The following DPP6 variants were observed in gnomAD, a reference collection of about 807,000 sequenced individuals.
The protein encoded by DPP6 is A-type potassium channel modulatory protein DPP6.
A neutral mutation model predicts 122.6 loss-of-function variants in DPP6; 69 were observed. The ratio of observed to expected loss-of-function variants is 0.56; its 90% CI spans 0.46 to 0.69. The LOEUF (loss-of-function observed/expected upper bound fraction) is 0.69, where lower values mean the gene tolerates loss of function less well. Ranked by LOEUF, DPP6 falls within the 30% of genes least tolerant of loss-of-function variation. The pLI is 0.00. For synonymous variants in DPP6, 418 were observed against 433.1 expected, an observed-to-expected ratio of 0.97 and a Z score of 0.43; for missense variants, 928 against 1,116.9, an observed-to-expected ratio of 0.83 and a Z score of 2.41.
At chr7:153,879,706 A>G in the DPP6 span, among the ~76,000 whole-genome samples, 2 of 152,164 alleles carry the variant, frequency 1.3e-5, no homozygotes, top group Non-Finnish European at 2.9e-5. Flanking sequence ...TCTCTTAAAA[A>G]GTCATTTAAC....
chr7:154,179,572 C>G (rs1453077967), intron 1 of DPP6, among the ~76,000 whole-genome samples: 1 of 152,194 alleles, frequency 6.6e-6, no homozygotes, highest in Admixed American at 6.5e-5. Context: ...CTCCCCATGT[C>G]TGGACCACCA....
At position 154,519,328 on chromosome 7, in the gene DPP6, G is replaced by A; in HGVS notation, c.458-21204G>A. Among the ~76,000 whole-genome samples the A allele has an allele frequency of 1.3e-5, 2 of 152,324 alleles. 1 individual carries two copies. ...CCCTCTGTCCTTGGTGGCACAGACA[G>A]CCCCCTGGAGCCAGCCAAATTCAGA... On this transcript the variant is annotated intron_variant, in intron 3 of 25. Transcript: ENST00000377770.
chr7:154,767,757 C>T (rs1370197438), intron 8 of DPP6, among the ~76,000 whole-genome samples: 2 of 152,110 alleles, frequency 1.3e-5, no homozygotes, highest in African/African-American at 4.8e-5. Flanking sequence ...TCATTTTTCC[C>T]TGAGCACTGC....
intron 16 of DPP6, among the ~76,000 whole-genome samples, chr7:154,832,441 A>G (rs1800705762): frequency 1.3e-5 from 2 of 152,210 alleles, no homozygotes; most frequent in Non-Finnish European, 2.9e-5. Context: ...ACAACCGATC[A>G]TGGGGTCATA....
At chr7:154,440,216 G>A (rs878903675) in intron 1 of DPP6, among the ~76,000 whole-genome samples, 2 of 152,156 alleles carry the variant, frequency 1.3e-5, no homozygotes, top group Non-Finnish European at 2.9e-5. Context: ...TCCCATTCCC[G>A]CATTGGTTGC....
intron 6 of DPP6, among the ~76,000 whole-genome samples, chr7:154,639,519 T>G (rs568501860): frequency 6.6e-6 from 1 of 152,364 alleles, no homozygotes; most frequent in South Asian, 2.1e-4. Flanking sequence ...TATATCAATT[T>G]GTAAAACTCG....
In DPP6 at chr7:154,392,065, G is replaced by T. The variant is rs560953295; in HGVS notation, c.244-54149G>T. On this transcript the variant is annotated intron_variant, in intron 1 of 25. Coordinates refer to ENST00000377770, the MANE Select transcript of DPP6 (RefSeq NM_130797.4). ...GAGGCAGGCAGATCAGTTGAGCTCA[G>T]GAGTTCGAGACCAGCCTGGCCAACA... Among the ~76,000 whole-genome samples the T allele has an allele frequency of 5.3e-5, 8 of 152,306 alleles. No homozygotes were observed. The South Asian group carries it at 1.0e-3, about 20-fold the overall frequency.
chr7:154,726,862 C>T (rs898668858), intron 7 of DPP6, among the ~76,000 whole-genome samples: 1 of 152,166 alleles, frequency 6.6e-6, no homozygotes, highest in African/African-American at 2.4e-5. Context: ...GTGACCTTGG[C>T]TGCCATTCTC....
At chr7:154,300,673 T>C (rs1269057389) in intron 1 of DPP6, among the ~76,000 whole-genome samples, 1 of 151,188 alleles carries the variant, frequency 6.6e-6, no homozygotes, top group East Asian at 2.0e-4. Flanking sequence ...GTGTGTGGGG[T>C]TGGGGCAAGG....
the DPP6 span, among the ~76,000 whole-genome samples, chr7:153,801,014 T>G: frequency 6.6e-6 from 1 of 151,880 alleles, no homozygotes; most frequent in Non-Finnish European, 1.5e-5. Context: ...ATTTTTTAAA[T>G]TATTTTCTAT....
At chr7:154,744,462 C>T (rs1842949579) in intron 8 of DPP6, among the ~76,000 whole-genome samples, 2 of 152,228 alleles carry the variant, frequency 1.3e-5, no homozygotes, top group African/African-American at 4.8e-5. Flanking sequence ...CCTCCCTGGG[C>T]CCCCCACGGT....
intron 1 of DPP6, among the ~76,000 whole-genome samples, chr7:153,950,781 A>G (rs1449691824): frequency 5.3e-5 from 8 of 152,356 alleles, no homozygotes; most frequent in African/African-American, 1.7e-4. Context: ...AGATGCAGAC[A>G]TGGACATGTA....
intron 1 of DPP6, among the ~76,000 whole-genome samples, chr7:154,085,007 A>AAAAAC (rs1563182905): frequency 2.4e-4 from 36 of 149,110 alleles, no homozygotes; most frequent in African/African-American, 4.7e-4. Flanking sequence ...AAAAAAAAAA[A>AAAAAC]AAAACAGGTG....
intron 10 of DPP6, among the ~76,000 whole-genome samples, chr7:154,786,722 T>C (rs1797360172): frequency 6.6e-6 from 1 of 152,228 alleles, no homozygotes; most frequent in African/African-American, 2.4e-5. Flanking sequence ...CTTCTGATAA[T>C]TGTTCCTCTG....
At chr7:153,970,516 C>T (rs1159634672) in intron 1 of DPP6, among the ~76,000 whole-genome samples, 8 of 152,122 alleles carry the variant, frequency 5.3e-5, no homozygotes, top group Non-Finnish European at 8.8e-5. Context: ...AATTTATCAA[C>T]TTTTTTCTTT....
intron 1 of DPP6, among the ~76,000 whole-genome samples, chr7:153,991,265 TA>T (rs1027983725): frequency 7.7e-4 from 115 of 149,578 alleles, no homozygotes; most frequent in East Asian, 2.9e-3. Flanking sequence ...AATCAAATAT[TA>T]AAAAAAAAAT....
At position 153,980,929 on chromosome 7, in the gene DPP6, C is replaced by T. The variant is rs938140101; in HGVS notation, c.51+93195C>T. 5.9e-4 allele frequency among the ~76,000 whole-genome samples: 89 copies of T among 152,114 alleles called. 1 individual carries two copies. The highest frequency in any genetic ancestry group is 1.9e-3 in the African/African-American group (80 of 41,482). ...CTGAGAGACTGTTCGCTTTAATTTCCGTTCTTTTGCATTTGCTGAGGAGCG... is the reference window on the plus strand; with the variant it reads ...CTGAGAGACTGTTCGCTTTAATTTCTGTTCTTTTGCATTTGCTGAGGAGCG... On this transcript the variant is annotated intron_variant, in intron 1 of 25. Transcript: ENST00000404039.
chr7:153,781,673 A>T, the DPP6 span, among the ~76,000 whole-genome samples: 1 of 152,034 alleles, frequency 6.6e-6, no homozygotes, highest in African/African-American at 2.4e-5. Flanking sequence ...TATTGATGAG[A>T]TGCATGGTGA....
At chr7:154,190,395 G>A (rs1025772453) in intron 1 of DPP6, among the ~76,000 whole-genome samples, 2 of 152,148 alleles carry the variant, frequency 1.3e-5, no homozygotes, top group Admixed American at 1.3e-4. Flanking sequence ...GTCAAGATTT[G>A]AGAGAAGTAT....
Sources: allele counts gnomAD v4.1 joint callset (sites outside exome capture counted in the v4.1 genomes callset), GRCh38; gene constraint gnomAD v4.1.1; transcripts MANE v1.5; gene names NCBI Gene and HGNC (gene_info 2026-07-23, HGNC 2026-07-21).